SH3BP5L: variants seen among roughly 807,000 people sequenced by gnomAD.
SH3BP5L encodes SH3 domain-binding protein 5-like.
SH3BP5L carries 16 observed loss-of-function variants against 40.9 expected under a neutral mutation model. That is an observed-to-expected ratio of 0.39 (90% CI 0.27 to 0.59). The LOEUF is 0.59. Ranked by LOEUF, SH3BP5L falls within the 20% of genes least tolerant of loss-of-function variation. The pLI is 0.53. For synonymous variants in SH3BP5L, 229 were observed against 226.7 expected, an observed-to-expected ratio of 1.01 and a Z score of -0.09; for missense variants, 471 against 544.6, an observed-to-expected ratio of 0.86 and a Z score of 1.35.
At chr1:248,819,208 T>C (rs146531425) in intron 2 of SH3BP5L, among the ~76,000 whole-genome samples, 31 of 152,122 alleles carry the variant, frequency 2.0e-4, no homozygotes, top group African/African-American at 7.0e-4. Flanking sequence ...AAACCTGTAA[T>C]GGAACGAGGA....
chr1:248,816,848 TCTC>T lies in SH3BP5L; in HGVS notation c.217_219del (p.Glu73del). On this transcript the variant is annotated inframe_deletion, in exon 3 of 7. Coordinates refer to ENST00000366472, the MANE Select transcript of SH3BP5L (RefSeq NM_030645.3). ...TCCAGCTGTAGTTCCACCTGGTTGA[TCTC>T]CTCGCTGGCCTGGTTCAGGTGCTCC... The T allele has an allele frequency of 6.2e-7, 1 of 1,614,112 alleles. No individual in the cohort carries two copies. Among genetic ancestry groups the T allele is most frequent in the Non-Finnish European group, 8.5e-7 (1 of 1,180,006 alleles).
At position 248,816,902 on chromosome 1, in the gene SH3BP5L, G is replaced by A; in HGVS notation, c.184-18C>T. The A allele has an allele frequency of 6.2e-7, 1 of 1,614,120 alleles. No homozygotes were observed. Among genetic ancestry groups the A allele is most frequent in the Non-Finnish European group, 8.5e-7 (1 of 1,180,004 alleles). On this transcript the variant is annotated intron_variant, in intron 2 of 6. Transcript: ENST00000366472. The stretch of plus-strand genomic sequence containing the variant: ...AACTCCTCCTGCCACAGAGAGGGGT[G>A]GCAAATTAGTGCAGTGGAAGGAAGT...
At position 248,812,850 on chromosome 1, in the gene SH3BP5L, T is replaced by C; in HGVS notation, c.711+139A>G. On this transcript the variant is annotated intron_variant, in intron 6 of 6. Transcript: ENST00000366472. The surrounding 1 kb of genome is among the most constrained non-coding windows in gnomAD (Gnocchi z 6.1). ...CCTGCAAGGTCATTTGGAACATGTG[T>C]GCCACCACCCTTCCCCACCGCTAGC... 2.8e-6 allele frequency: 2 copies of C among 714,248 alleles called. No individual in the cohort carries two copies. 44.2% of individuals were successfully genotyped at this position (714,248 alleles called of 1,614,324 possible).
rs993886011 is a variant in SH3BP5L, at chr1:248,810,623, C to T, written c.*1277G>A. ...CCAACCTCCCTCAACCTGTAGACCC[C>T]CGTGCAGAGTCCAGTTGCCCACGCA... On this transcript the variant is annotated 3_prime_UTR_variant, in exon 7 of 7. Coordinates refer to ENST00000366472, the MANE Select transcript of SH3BP5L (RefSeq NM_030645.3). 7.2e-5 allele frequency: 11 copies of T among 152,304 alleles called. No individual in the cohort carries two copies. Among genetic ancestry groups the T allele is most frequent in the Admixed American group, 5.9e-4 (9 of 15,276 alleles). The allele number at this position is 152,304 out of a possible 1,614,324, so 9.4% of individuals were successfully genotyped here.
chr1:248,824,649 C>T, intron 2 of SH3BP5L, 104 bp downstream of exon 2: 1 of 1,395,550 alleles, frequency 7.2e-7, no homozygotes, highest in Non-Finnish European at 9.8e-7. Flanking sequence ...TTTCCTGCCC[C>T]AGCAGACTGG....
chr1:248,818,765 T>C lies in SH3BP5L; in HGVS notation c.184-1881A>G, dbSNP rs578031213. 4.6e-5 allele frequency among the ~76,000 whole-genome samples: 7 copies of C among 152,256 alleles called. No individual in the cohort carries two copies. The East Asian group carries it at 1.4e-3, about 29-fold the overall frequency. The stretch of plus-strand genomic sequence containing the variant: ...ACACAAAAGTTCCCAGAGCCCCTGG[T>C]GAGCTAAGGACACTACTGAGGAGCA... On this transcript the variant is annotated intron_variant, in intron 2 of 6. Transcript: ENST00000366472.
intron 2 of SH3BP5L, among the ~76,000 whole-genome samples, chr1:248,823,553 G>A (rs1223235263): frequency 6.6e-6 from 1 of 152,196 alleles, no homozygotes; most frequent in African/African-American, 2.4e-5. Context: ...TCAATGCAAT[G>A]TCAGGCAGAG....
At chr1:248,817,600 C>T (rs1016641208) in intron 2 of SH3BP5L, among the ~76,000 whole-genome samples, 5 of 152,200 alleles carry the variant, frequency 3.3e-5, no homozygotes, top group African/African-American at 1.2e-4. Context: ...CGCCTGTAAT[C>T]CCAGCACTTT....
intron 5 of SH3BP5L, 35 bp downstream of exon 5, chr1:248,814,414 C>T (rs936115784): frequency 6.2e-7 from 1 of 1,611,492 alleles, no homozygotes; most frequent in Non-Finnish European, 8.5e-7. Context: ...GGACGAGAAC[C>T]AGCGAAGGGG....
rs1664350437 is a variant in SH3BP5L at position 248,825,293 on chromosome 1, T to G, written c.-358A>C. The G allele has an allele frequency of 9.8e-7, 1 of 1,023,476 alleles. No homozygotes were observed. The highest frequency in any genetic ancestry group is 1.2e-6 in the Non-Finnish European group (1 of 854,024). 63.4% of individuals were successfully genotyped at this position (1,023,476 alleles called of 1,614,324 possible). On this transcript the variant is annotated 5_prime_UTR_variant, in exon 2 of 7. Transcript: ENST00000366472. ...ATTCGGGAGGGTGGAGGCAGGCGCCTCCAGGCTGTGGTGGCAGCTGGAGAG... is the reference window on the plus strand; with the variant it reads ...ATTCGGGAGGGTGGAGGCAGGCGCCGCCAGGCTGTGGTGGCAGCTGGAGAG...
Position 248,821,239 on chromosome 1 carries a change from C to CA in SH3BP5L, c.183+3513dup, listed in dbSNP as rs1664248497. 1 of 152,312 alleles carries CA rather than the reference C, an allele frequency of 6.6e-6. No individual in the cohort carries two copies. The highest frequency in any genetic ancestry group is 2.4e-5 in the African/African-American group (1 of 41,456). 9.4% of individuals were successfully genotyped at this position (152,312 alleles called of 1,614,324 possible). A position where few individuals can be genotyped will look rare whatever the true frequency, so the allele number is the denominator to read the frequency against. On this transcript the variant is annotated intron_variant, in intron 2 of 6. Transcript: ENST00000366472. The surrounding 1 kb of genome is among the most constrained non-coding windows in gnomAD (Gnocchi z 4.6). The stretch of plus-strand genomic sequence containing the variant: ...GCAACACATTCCATTTGGCCTGCTT[C>CA]ACCAGGGACTCCTGGCACTCAGCTG...
chr1:248,817,839 C>T (rs528944013), intron 2 of SH3BP5L, among the ~76,000 whole-genome samples: 5 of 151,756 alleles, frequency 3.3e-5, no homozygotes, highest in African/African-American at 7.3e-5. Flanking sequence ...GGCAACATAG[C>T]GAGACTCTGT....
chr1:248,816,504 C>G, intron 4 of SH3BP5L, 30 bp downstream of exon 4: 1 of 1,613,284 alleles, frequency 6.2e-7, no homozygotes, highest in Non-Finnish European at 8.5e-7. Flanking sequence ...CAGCACGTAG[C>G]CTTCCTCAAA....
rs373033623 is a variant in SH3BP5L, at chr1:248,812,315, C to T, written c.767G>A (p.Arg256His). 50 of 1,610,282 alleles carry T rather than the reference C, an allele frequency of 3.1e-5. No homozygotes were observed. Among genetic ancestry groups the T allele is most frequent in the East Asian group, 6.7e-5 (3 of 44,896 alleles). ...CAGGTTACGAAGGGCCACGGAGTAGCGCGTCTTGGCCTGAGCTACCTGCTG... is the reference window on the plus strand; with the variant it reads ...CAGGTTACGAAGGGCCACGGAGTAGTGCGTCTTGGCCTGAGCTACCTGCTG... ...LEQQVAQAKT[R>H]YSVALRNLEQ... Residue 256 changes from arginine (R) to histidine (H), a missense_variant, in exon 7 of 7, where the codon CGC becomes CAC. Transcript: ENST00000366472. This position sits in a 1 kb window ranked among gnomAD's most constrained non-coding sequence, Gnocchi z 6.1.
In SH3BP5L at chr1:248,814,438, G is replaced by A. The variant is rs199666991; in HGVS notation, c.537+11C>T. 5.9e-4 allele frequency: 945 copies of A among 1,613,506 alleles called. 3 individuals carry two copies. The highest frequency in any genetic ancestry group is 1.3e-3 in the East Asian group (58 of 44,866). On this transcript the variant is annotated intron_variant, in intron 5 of 6. Transcript: ENST00000366472. ...CCAGCGAAGGGGACCTGCTGGCACC[G>A]CCCGGCTCACCTTGCAGGTAGCATG...
chr1:248,814,702 A>G (rs1664053686), intron 4 of SH3BP5L, 92 bp from the exon 5 acceptor site: 1 of 1,308,084 alleles, frequency 7.6e-7, no homozygotes, highest in African/African-American at 1.5e-5. Context: ...GAGAAGGAGG[A>G]AGGCCTACTA....
intron 5 of SH3BP5L, 23 bp downstream of exon 5, chr1:248,814,426 C>A (rs754319790): frequency 6.2e-7 from 1 of 1,612,910 alleles, no homozygotes. Flanking sequence ...GCGAAGGGGA[C>A]CTGCTGGCAC....
chr1:248,813,281 C>G, intron 5 of SH3BP5L, 119 bp from the exon 6 acceptor site: 2 of 1,130,336 alleles, frequency 1.8e-6, no homozygotes, highest in Non-Finnish European at 2.4e-6. Context: ...CCTCTGCAAA[C>G]CCCCAACTGT....
In SH3BP5L at chr1:248,810,724, T is replaced by TTC. The variant is rs1323252794; in HGVS notation, c.*1174_*1175dup. The TTC allele has an allele frequency of 1.3e-5, 2 of 152,206 alleles. No individual in the cohort carries two copies. Among genetic ancestry groups the TTC allele is most frequent in the East Asian group, 3.9e-4 (2 of 5,176 alleles). The allele number at this position is 152,206 out of a possible 1,614,324, so 9.4% of individuals were successfully genotyped here. On this transcript the variant is annotated 3_prime_UTR_variant, in exon 7 of 7. Transcript: ENST00000366472. ...GGGGTGGGTCAAAAGGAAGGACTGG[T>TTC]TCTCCCAAGGCACCCAGATCTGGTG...
Sources: allele counts gnomAD v4.1 joint callset (sites outside exome capture counted in the v4.1 genomes callset), GRCh38; gene constraint gnomAD v4.1.1; non-coding constraint Gnocchi (gnomAD v3.1); transcripts MANE v1.5; gene names NCBI Gene and HGNC (gene_info 2026-07-23, HGNC 2026-07-21).